Variants in ZNF766 observed in about 807,000 individuals in gnomAD.
ZNF766 encodes the protein zinc finger protein 766.
In ZNF766, 13 loss-of-function variants were observed where a neutral mutation model predicts 13.2. That is an observed-to-expected ratio of 0.98 (90% CI 0.64 to 1.56). The LOEUF (loss-of-function observed/expected upper bound fraction) is 1.56, where lower values mean the gene tolerates loss of function less well. Among genes scored for constraint, ZNF766 ranks in the 40% most tolerant of loss-of-function variants. The pLI is 0.00. For synonymous variants in ZNF766, 178 were observed against 187.6 expected (o/e 0.95, Z 0.42); for missense variants, 521 against 552.2 (o/e 0.94, Z 0.57).
chr19:52,291,779 A>T lies in ZNF766; in HGVS notation c.*581A>T. ...TCCGTCTCAAAAAAAAAAAAAAATTATTTGGGTTTGAAAGGCCAGGGGCAG... is the reference window on the plus strand; with the variant it reads ...TCCGTCTCAAAAAAAAAAAAAAATTTTTTGGGTTTGAAAGGCCAGGGGCAG... On this transcript the variant is annotated 3_prime_UTR_variant, in exon 4 of 4. Transcript: ENST00000439461. 5.7e-6 allele frequency: 1 copy of T among 176,654 alleles called. No homozygotes were observed. The allele number at this position is 176,654 out of a possible 1,614,324, so 10.9% of individuals were successfully genotyped here.
At chr19:52,277,779 C>T (rs1037369581) in intron 1 of ZNF766, among the ~76,000 whole-genome samples, 5 of 151,888 alleles carry the variant, frequency 3.3e-5, no homozygotes, top group Admixed American at 6.6e-5. Flanking sequence ...CACACCCAGA[C>T]GTGGGTGGAG....
At chr19:52,283,510 T>C in intron 3 of ZNF766, 97 bp downstream of exon 3, 1 of 1,405,446 alleles carries the variant, frequency 7.1e-7, no homozygotes, top group Non-Finnish European at 9.4e-7. Context: ...CCATCATAGC[T>C]CACTGCAGCT....
intron 1 of ZNF766, among the ~76,000 whole-genome samples, chr19:52,279,789 CT>C (rs984101828): frequency 3.3e-3 from 215 of 64,866 alleles, no homozygotes; most frequent in South Asian, 4.7e-3. Flanking sequence ...TTTACCTTTT[CT>C]TTTTTTTTTT....
At position 52,270,283 on chromosome 19, in the gene ZNF766, G is replaced by T. The variant is rs574541288; in HGVS notation, c.18+652G>T. Among the ~76,000 whole-genome samples, 12 of 152,206 alleles carry T rather than the reference G, an allele frequency of 7.9e-5. No homozygotes were observed. The South Asian group carries it at 2.5e-3, about 32-fold the overall frequency. On this transcript the variant is annotated intron_variant, in intron 1 of 3. Coordinates refer to ENST00000439461, the MANE Select transcript of ZNF766 (RefSeq NM_001010851.3). ...AAAGAGAGATGGAGAGCGAGGTAGA[G>T]GAAACAGAAAAATTTAGAGAGAAAA...
intron 2 of ZNF766, 24 bp downstream of exon 2, chr19:52,282,261 G>A: frequency 6.3e-7 from 1 of 1,577,300 alleles, no homozygotes; most frequent in Non-Finnish European, 8.6e-7. Context: ...CCCTCCAGAA[G>A]TTGGGGTCTG....
intron 3 of ZNF766, among the ~76,000 whole-genome samples, chr19:52,289,720 T>G (rs1360826535): frequency 1.3e-5 from 2 of 151,710 alleles, no homozygotes; most frequent in Non-Finnish European, 2.9e-5. Flanking sequence ...CATGCCAGAG[T>G]CCGGGCGCGG....
At chr19:52,271,638 A>T (rs1466970406) in intron 1 of ZNF766, among the ~76,000 whole-genome samples, 5 of 152,182 alleles carry the variant, frequency 3.3e-5, no homozygotes, top group Non-Finnish European at 5.9e-5. Context: ...TAGTGCACCC[A>T]CATGGAGGTA....
chr19:52,273,874 T>C (rs1346337407), intron 1 of ZNF766, among the ~76,000 whole-genome samples: 1 of 152,224 alleles, frequency 6.6e-6, no homozygotes, highest in Non-Finnish European at 1.5e-5. Flanking sequence ...GGAGTGCAGA[T>C]ACACATCTTG....
chr19:52,288,805 A>G (rs911796848), intron 3 of ZNF766, among the ~76,000 whole-genome samples: 12 of 145,368 alleles, frequency 8.3e-5, no homozygotes, highest in African/African-American at 3.0e-4. Flanking sequence ...TTATATCAAG[A>G]TATTTCCTAA....
chr19:52,280,160 T>A (rs1055452367), intron 1 of ZNF766, among the ~76,000 whole-genome samples: 5 of 152,180 alleles, frequency 3.3e-5, no homozygotes, highest in Admixed American at 6.5e-5. Context: ...GTACTATTTA[T>A]ACATTTTTAT....
intron 1 of ZNF766, among the ~76,000 whole-genome samples, chr19:52,279,480 C>A (rs1981376215): frequency 6.6e-6 from 1 of 152,016 alleles, no homozygotes; most frequent in Non-Finnish European, 1.5e-5. Flanking sequence ...TATATCGATT[C>A]TTCTTATCCG....
intron 3 of ZNF766, chr19:52,284,670 C>G (rs957179432): frequency 2.6e-5 from 4 of 152,034 alleles, no homozygotes; most frequent in African/African-American, 4.8e-5. Context: ...TTGCCAGTAG[C>G]GGGTTGTCAC....
intron 1 of ZNF766, among the ~76,000 whole-genome samples, chr19:52,269,921 G>T (rs1980900698): frequency 6.6e-6 from 1 of 152,192 alleles, no homozygotes; most frequent in Non-Finnish European, 1.5e-5. Context: ...CCTGCGAGGC[G>T]GATCCACGCC....
At chr19:52,269,739 T>G in intron 1 of ZNF766, 108 bp downstream of exon 1, 1 of 1,387,122 alleles carries the variant, frequency 7.2e-7, no homozygotes, top group East Asian at 2.5e-5. Context: ...CACCGCTCTC[T>G]CCACCCCGAG....
At chr19:52,278,696 C>T (rs2122471883) in intron 1 of ZNF766, among the ~76,000 whole-genome samples, 1 of 152,306 alleles carries the variant, frequency 6.6e-6, no homozygotes, top group South Asian at 2.1e-4. Context: ...TGAGCCACCG[C>T]ACCTGGCCCT....
At chr19:52,270,118 C>A (rs1309836412) in intron 1 of ZNF766, among the ~76,000 whole-genome samples, 1 of 152,142 alleles carries the variant, frequency 6.6e-6, no homozygotes, top group African/African-American at 2.4e-5. Context: ...ACGGCTTCTC[C>A]GGATCCTGTG....
intron 1 of ZNF766, 186 bp from the exon 2 acceptor site, chr19:52,281,925 T>C: frequency 1.4e-6 from 1 of 697,900 alleles, no homozygotes; most frequent in East Asian, 3.6e-5. Context: ...TCATAACTTT[T>C]TATGGAAAAG....
At chr19:52,281,240 C>A (rs140966273) in intron 1 of ZNF766, among the ~76,000 whole-genome samples, 1 of 151,634 alleles carries the variant, frequency 6.6e-6, no homozygotes, top group Non-Finnish European at 1.5e-5. Context: ...ACTATTGGGC[C>A]GGGTGCGGTG....
intron 2 of ZNF766, 61 bp downstream of exon 2, chr19:52,282,298 G>T: frequency 6.6e-7 from 1 of 1,517,268 alleles, no homozygotes; most frequent in East Asian, 2.4e-5. Context: ...ATTTTCCCTT[G>T]TGTGCCTCTT....
Sources: gnomAD v4.1 joint callset for allele counts (sites outside exome capture counted in the v4.1 genomes callset) on GRCh38, gnomAD v4.1.1 for gene constraint, MANE v1.5 for transcripts, NCBI Gene and HGNC (gene_info 2026-07-23, HGNC 2026-07-21) for gene names.